ABCB1: variants seen among roughly 807,000 people sequenced by gnomAD.
The protein encoded by ABCB1 is ATP binding cassette subfamily B member 1.
In ABCB1, 69 loss-of-function variants were observed where a neutral mutation model predicts 142.0. That is an observed-to-expected ratio of 0.49 (90% CI 0.40 to 0.59). The LOEUF (loss-of-function observed/expected upper bound fraction) is 0.59, where lower values mean the gene tolerates loss of function less well. ABCB1 is among the 20% of genes least tolerant of loss of function. The pLI, the probability that ABCB1 is intolerant of heterozygous loss-of-function variation, is 0.00. For synonymous variants in ABCB1, 532 were observed against 539.2 expected (o/e 0.99, Z 0.18); for missense variants, 1,326 against 1,554.7 (o/e 0.85, Z 2.47).
chr7:87,578,692 C>CTT lies in ABCB1; in HGVS notation c.286+6818_286+6819dup, dbSNP rs35471539. On this transcript the variant is annotated intron_variant, in intron 4 of 27. Transcript: ENST00000622132. ...TAGCAATAGTAAATGAGACTACTTT[C>CTT]TTTTTTTTTTTTTTTTTTTGAGACG... Among the ~76,000 whole-genome samples, 122 of 102,640 alleles carry CTT rather than the reference C, an allele frequency of 1.2e-3. 2 individuals are homozygous for CTT. Among genetic ancestry groups the CTT allele is most frequent in the African/African-American group, 3.9e-3 (105 of 26,942 alleles). The allele number at this position is 102,640 out of a possible 152,430, so 67.3% of individuals were successfully genotyped here.
intron 1 of ABCB1, among the ~76,000 whole-genome samples, chr7:87,645,081 CTTTT>C (rs551936794): frequency 7.8e-6 from 1 of 128,082 alleles, no homozygotes; most frequent in Admixed American, 7.9e-5. Flanking sequence ...TGCTTTCTTT[CTTTT>C]TTTTTTTTTT....
chr7:87,592,318 C>A (rs1162230239), intron 3 of ABCB1, among the ~76,000 whole-genome samples: 2 of 152,116 alleles, frequency 1.3e-5, no homozygotes, highest in African/African-American at 4.8e-5. Context: ...AGTCTTAAGA[C>A]TAAAACTCTG....
chr7:87,703,885 C>CTTTTTTTTTTTTTTTTTTT, intron 1 of ABCB1, among the ~76,000 whole-genome samples: 39 of 60,268 alleles, frequency 6.5e-4, no homozygotes, highest in Non-Finnish European at 7.9e-4. Flanking sequence ...TCAGTTTTTT[C>CTTTTTTTTTTTTTTTTTTT]TTTTTTTTTT....
chr7:87,530,830 CAAGAAAGCAAGA>C (rs574796457), intron 21 of ABCB1, among the ~76,000 whole-genome samples: 3,315 of 42,752 alleles, frequency 0.078, 66 homozygotes, highest in East Asian at 0.23. Flanking sequence ...AGCAAGAAAG[CAAGAAAGCAAGA>C]AAGAAAGAAA....
At chr7:87,553,548 C>A (rs916150630) in intron 9 of ABCB1, among the ~76,000 whole-genome samples, 4 of 152,068 alleles carry the variant, frequency 2.6e-5, no homozygotes, top group African/African-American at 4.8e-5. Flanking sequence ...TCTCGATCTC[C>A]TGACCTCGTG....
intron 4 of ABCB1, among the ~76,000 whole-genome samples, chr7:87,573,457 A>C (rs1202502649): frequency 2.0e-5 from 3 of 152,122 alleles, no homozygotes; most frequent in African/African-American, 7.2e-5. Context: ...GAGCTATTCA[A>C]ATCCTCTCCC....
intron 8 of ABCB1, among the ~76,000 whole-genome samples, chr7:87,554,616 A>G (rs1817235654): frequency 6.6e-6 from 1 of 152,228 alleles, no homozygotes. Context: ...ATTATTCATC[A>G]GCATTCCCTC....
At chr7:87,663,338 T>C (rs1310615994) in intron 1 of ABCB1, among the ~76,000 whole-genome samples, 1 of 152,140 alleles carries the variant, frequency 6.6e-6, no homozygotes, top group Non-Finnish European at 1.5e-5. Context: ...ATTGACGCTA[T>C]TAACTAACCA....
intron 1 of ABCB1, among the ~76,000 whole-genome samples, chr7:87,701,835 T>A (rs988984820): frequency 2.0e-5 from 3 of 151,922 alleles, no homozygotes; most frequent in African/African-American, 7.2e-5. Context: ...CTAAAGAGAT[T>A]AGAAAAAAAT....
At position 87,549,976 on chromosome 7, in the gene ABCB1, G is replaced by A. The variant is rs779516199; in HGVS notation, c.1429C>T (p.Pro477Ser). ...REIIGVVSQE[P>S]VLFATTIAEN... The stretch of plus-strand genomic sequence containing the variant: ...GCTATCGTGGTGGCAAACAATACAG[G>A]TTCCTGACTCACCACACCAATGATT... Residue 477 changes from proline to serine, a missense_variant, in exon 13 of 28, where the codon CCT becomes TCT. By Grantham distance (74) the Pro-to-Ser change is moderately conservative. Coordinates refer to ENST00000622132, the MANE Select transcript of ABCB1 (RefSeq NM_001348946.2). 6.2e-7 allele frequency: 1 copy of A among 1,614,070 alleles called. No individual in the cohort carries two copies.
chr7:87,586,978 T>G (rs1391947946), intron 3 of ABCB1, among the ~76,000 whole-genome samples: 2 of 152,166 alleles, frequency 1.3e-5, no homozygotes, highest in Non-Finnish European at 2.9e-5. Flanking sequence ...TGAGCTTAAG[T>G]TTGGGTTCAT....
At chr7:87,678,149 G>GC (rs1441857423) in intron 1 of ABCB1, among the ~76,000 whole-genome samples, 2 of 152,184 alleles carry the variant, frequency 1.3e-5, no homozygotes, top group Non-Finnish European at 2.9e-5. Flanking sequence ...ATACAGCAGA[G>GC]TTTTTCTCCT....
intron 1 of ABCB1, chr7:87,700,296 G>C: frequency 2.8e-6 from 2 of 709,954 alleles, no homozygotes. Flanking sequence ...ACCTAGATTG[G>C]TGGTGCCCTT....
Position 87,503,892 on chromosome 7 carries a change from A to G in ABCB1, c.*351T>C. On this transcript the variant is annotated 3_prime_UTR_variant, in exon 28 of 28. Transcript: ENST00000622132. ...ATGAAAGTTTAGTTTTATTATAGACACTTTATGCAAACATTTCAATACTTT... is the reference window on the plus strand; with the variant it reads ...ATGAAAGTTTAGTTTTATTATAGACGCTTTATGCAAACATTTCAATACTTT... 1 of 317,484 alleles carries G rather than the reference A, an allele frequency of 3.1e-6. No individual in the cohort carries two copies. The highest frequency in any genetic ancestry group is 6.0e-6 in the Non-Finnish European group (1 of 167,256). 19.7% of individuals were successfully genotyped at this position (317,484 alleles called of 1,614,324 possible). A position where few individuals can be genotyped will look rare whatever the true frequency, so the allele number is the denominator to read the frequency against.
At chr7:87,671,819 A>G (rs1825849796) in intron 1 of ABCB1, among the ~76,000 whole-genome samples, 1 of 152,156 alleles carries the variant, frequency 6.6e-6, no homozygotes, top group Non-Finnish European at 1.5e-5. Context: ...GAAGGCTGGA[A>G]AAGCTAAGTC....
At chr7:87,569,139 C>G (rs1817924146) in intron 5 of ABCB1, among the ~76,000 whole-genome samples, 1 of 151,956 alleles carries the variant, frequency 6.6e-6, no homozygotes, top group Non-Finnish European at 1.5e-5. Context: ...TCAAGGCCAG[C>G]CTGGGTAACA....
intron 9 of ABCB1, 92 bp downstream of exon 9, chr7:87,553,668 GT>G: frequency 7.2e-7 from 1 of 1,379,764 alleles, no homozygotes; most frequent in Non-Finnish European, 1.0e-6. Context: ...TTCAACAGTT[GT>G]TCAAAATATA....
At chr7:87,709,651 C>A in intron 1 of ABCB1, 1 of 311,346 alleles carries the variant, frequency 3.2e-6, no homozygotes, top group Non-Finnish European at 4.7e-6. Flanking sequence ...TTGGTGAATT[C>A]ACTAGACTTG....
At chr7:87,524,565 C>T (rs1815696859) in intron 21 of ABCB1, among the ~76,000 whole-genome samples, 1 of 151,748 alleles carries the variant, frequency 6.6e-6, no homozygotes, top group East Asian at 1.9e-4. Context: ...AGCGGAACAT[C>T]ACACACTGGG....
Sources: allele counts gnomAD v4.1 joint callset (sites outside exome capture counted in the v4.1 genomes callset), GRCh38; gene constraint gnomAD v4.1.1; transcripts MANE v1.5; gene names NCBI Gene and HGNC (gene_info 2026-07-23, HGNC 2026-07-21).